Variants in CTTNBP2NL observed in about 807,000 individuals in gnomAD.
CTTNBP2NL encodes CTTNBP2 N-terminal-like protein.
CTTNBP2NL carries 16 observed loss-of-function variants against 32.5 expected under a neutral mutation model. The observed-to-expected ratio is 0.49, with a 90% CI of 0.33 to 0.75. The LOEUF (loss-of-function observed/expected upper bound fraction) is 0.75. Among genes scored for constraint, CTTNBP2NL ranks in the 30% least tolerant of loss-of-function variants. The pLI is 0.02. For synonymous variants in CTTNBP2NL, 298 were observed against 289.4 expected (o/e 1.03, Z -0.30); for missense variants, 645 against 756.0 (o/e 0.85, Z 1.72).
rs1389389976 is a variant in CTTNBP2NL at position 112,416,268 on chromosome 1, T to C, written c.99+4T>C. The C allele has an allele frequency of 1.7e-5, 25 of 1,441,364 alleles. No individual in the cohort carries two copies. The highest frequency in any genetic ancestry group is 2.4e-5 in the Non-Finnish European group (25 of 1,049,374). The allele number at this position is 1,441,364 out of a possible 1,614,324, so 89.3% of individuals were successfully genotyped here. A position where few individuals can be genotyped will look rare whatever the true frequency, so the allele number is the denominator to read the frequency against. ...CCTTGTTATAGAAGCCTTAAAGGTATGTTAAAAGAAAAAAAAAAAGAGGTC... is the reference window on the plus strand; with the variant it reads ...CCTTGTTATAGAAGCCTTAAAGGTACGTTAAAAGAAAAAAAAAAAGAGGTC... On this transcript the variant is annotated splice_donor_region_variant and intron_variant, in intron 3 of 5. Transcript: ENST00000271277.
chr1:112,392,848 AT>A (rs35469510), upstream of CTTNBP2NL, among the ~76,000 whole-genome samples: 70,164 of 151,140 alleles, frequency 0.46, 18,791 homozygotes, highest in African/African-American at 0.75. Flanking sequence ...CAACACCCTG[AT>A]TTTTTTTTGT....
chr1:112,421,314 T>TCTTTC (rs200072757), intron 3 of CTTNBP2NL, among the ~76,000 whole-genome samples: 2 of 136,860 alleles, frequency 1.5e-5, no homozygotes, highest in Non-Finnish European at 3.2e-5. Context: ...TCTTTTCTTT[T>TCTTTC]TTTTTTTTTT....
At chr1:112,405,108 G>A (rs931246748) in intron 1 of CTTNBP2NL, among the ~76,000 whole-genome samples, 1 of 151,988 alleles carries the variant, frequency 6.6e-6, no homozygotes. Flanking sequence ...TCAGTTTCCT[G>A]GTAATAATAT....
Position 112,457,038 on chromosome 1 carries a change from C to A in CTTNBP2NL, c.1546C>A (p.Gln516Lys). 4 of 1,614,144 alleles carry A rather than the reference C, an allele frequency of 2.5e-6. No homozygotes were observed. The highest frequency in any genetic ancestry group is 3.4e-6 in the Non-Finnish European group (4 of 1,180,032). ...TQVLSRFTSQ[Q>K]GPIKPVSPNS... is the part of the protein sequence containing the mutation. The stretch of plus-strand genomic sequence containing the variant: ...GGTGCTCTCCAGATTCACTAGCCAA[C>A]AAGGGCCAATCAAGCCAGTCTCTCC... The change falls in exon 6 of 6, where the codon CAA becomes AAA. Residue 516 changes from glutamine to lysine, a missense_variant. Transcript: ENST00000271277.
chr1:112,438,355 A>T (rs2488790), intron 3 of CTTNBP2NL, among the ~76,000 whole-genome samples: 83,952 of 151,908 alleles, frequency 0.55, 24,311 homozygotes, highest in South Asian at 0.71. Context: ...TGGCTGTTGT[A>T]GGTGTGTAGG....
intron 3 of CTTNBP2NL, among the ~76,000 whole-genome samples, chr1:112,422,325 C>G (rs187977673): frequency 6.6e-6 from 1 of 152,216 alleles, no homozygotes; most frequent in Admixed American, 6.5e-5. Flanking sequence ...TAGCTCATTT[C>G]TTCTTTGTTA....
intron 3 of CTTNBP2NL, among the ~76,000 whole-genome samples, chr1:112,424,820 T>C (rs1649343326): frequency 6.6e-6 from 1 of 151,822 alleles, no homozygotes; most frequent in South Asian, 2.1e-4. Flanking sequence ...GTTGTTTTGG[T>C]TTGGTTTGTT....
chr1:112,418,276 AAG>A (rs1171108319), intron 3 of CTTNBP2NL, among the ~76,000 whole-genome samples: 1 of 152,136 alleles, frequency 6.6e-6, no homozygotes, highest in African/African-American at 2.4e-5. Flanking sequence ...AGAATTGTAA[AAG>A]AGCTACATTC....
chr1:112,442,258 G>A (rs1435866380), intron 3 of CTTNBP2NL, among the ~76,000 whole-genome samples: 9 of 151,968 alleles, frequency 5.9e-5, no homozygotes, highest in African/African-American at 9.7e-5. Context: ...CCCAAGTGGG[G>A]ACTACAGGCA....
chr1:112,403,179 A>G (rs1168923688), intron 1 of CTTNBP2NL, among the ~76,000 whole-genome samples: 3 of 152,082 alleles, frequency 2.0e-5, no homozygotes, highest in Admixed American at 6.6e-5. Flanking sequence ...CCTCATACCT[A>G]TGCTGTTAAA....
At chr1:112,447,384 GAT>G (rs1488078032) in intron 3 of CTTNBP2NL, among the ~76,000 whole-genome samples, 2 of 141,212 alleles carry the variant, frequency 1.4e-5, no homozygotes, top group African/African-American at 5.3e-5. Context: ...AGGCTAGAAA[GAT>G]AGTTATTAGT....
intron 3 of CTTNBP2NL, among the ~76,000 whole-genome samples, chr1:112,421,643 A>C (rs933145487): frequency 2.6e-5 from 4 of 151,852 alleles, no homozygotes; most frequent in African/African-American, 7.2e-5. Flanking sequence ...GAGAAGAAGA[A>C]AGAAATACTG....
At chr1:112,419,840 G>A (rs1248946882) in intron 3 of CTTNBP2NL, among the ~76,000 whole-genome samples, 1 of 152,160 alleles carries the variant, frequency 6.6e-6, no homozygotes, top group East Asian at 1.9e-4. Flanking sequence ...GGACCTAACA[G>A]TTCTTTGGCC....
Position 112,449,025 on chromosome 1 carries a change from T to G in CTTNBP2NL, c.183T>G (p.Phe61Leu). The change falls in exon 4 of 6, where the codon TTT becomes TTG. Residue 61 changes from phenylalanine to leucine, a missense_variant. Coordinates refer to ENST00000271277, the MANE Select transcript of CTTNBP2NL (RefSeq NM_018704.3). ...CTTTAATGGCTCTACAGAGAGATTT[T>G]GAAACACTGAAGGAGAAAAATGATG... ...SDPLMALQRDFETLKEKNDGE... is the reference protein window; with the variant it reads ...SDPLMALQRDLETLKEKNDGE... The G allele has an allele frequency of 6.2e-7, 1 of 1,612,828 alleles. No homozygotes were observed.
chr1:112,394,324 C>T (rs1488408764), upstream of CTTNBP2NL, among the ~76,000 whole-genome samples: 1 of 152,052 alleles, frequency 6.6e-6, no homozygotes, highest in African/African-American at 2.4e-5. Flanking sequence ...GCTTCATTGT[C>T]AGGCGATGAG....
At chr1:112,453,656 A>C (rs1650287671) in intron 4 of CTTNBP2NL, among the ~76,000 whole-genome samples, 1 of 152,040 alleles carries the variant, frequency 6.6e-6, no homozygotes, top group Non-Finnish European at 1.5e-5. Context: ...GGAGGCTGAG[A>C]GGTGGGAGAA....
chr1:112,408,812 G>T (rs369908420), intron 1 of CTTNBP2NL, among the ~76,000 whole-genome samples: 7 of 151,996 alleles, frequency 4.6e-5, no homozygotes, highest in African/African-American at 1.7e-4. Context: ...CTATATTTTG[G>T]CTTGGCTTAT....
chr1:112,453,365 G>A (rs1650276854), intron 4 of CTTNBP2NL, among the ~76,000 whole-genome samples: 1 of 152,138 alleles, frequency 6.6e-6, no homozygotes, highest in Non-Finnish European at 1.5e-5. Context: ...CTGGAGGTCT[G>A]GGCCAAGGCA....
intron 3 of CTTNBP2NL, among the ~76,000 whole-genome samples, chr1:112,422,234 T>C (rs1618606): frequency 0.88 from 134,422 of 152,206 alleles, 59,501 homozygotes; most frequent in East Asian, 1. Flanking sequence ...TGGAATCATA[T>C]GGAATATACT....
Sources: gnomAD v4.1 joint callset for allele counts (sites outside exome capture counted in the v4.1 genomes callset) on GRCh38, gnomAD v4.1.1 for gene constraint, MANE v1.5 for transcripts, NCBI Gene and HGNC (gene_info 2026-07-23, HGNC 2026-07-21) for gene names.